Variants in TXNRD3 observed in about 807,000 individuals in gnomAD.
TXNRD3 encodes thioredoxin reductase 3, also known as TXNRD3 neighbor gene protein.
Under a neutral mutation model 78.2 loss-of-function variants are expected in TXNRD3, and 68 were observed. The observed-to-expected ratio is 0.87, with a 90% CI of 0.72 to 1.06. The LOEUF is 1.06. Among genes scored for constraint, TXNRD3 ranks in the 50% least tolerant of loss-of-function variants. The probability of loss-of-function intolerance (pLI) is 0.00; values close to 1 mark genes in which losing one functional copy is unlikely to be tolerated. For synonymous variants in TXNRD3, 296 were observed against 300.1 expected (o/e 0.99, Z 0.14); for missense variants, 751 against 809.5 (o/e 0.93, Z 0.88).
At chr3:126,611,607 C>T (rs1576279100) in intron 13 of TXNRD3, among the ~76,000 whole-genome samples, 1 of 152,204 alleles carries the variant, frequency 6.6e-6, no homozygotes, top group East Asian at 1.9e-4. Flanking sequence ...ATGTCTCTCA[C>T]ATTTCTGTCC....
chr3:126,640,959 C>T (rs540743121), intron 6 of TXNRD3, among the ~76,000 whole-genome samples: 1 of 151,890 alleles, frequency 6.6e-6, no homozygotes, highest in South Asian at 2.1e-4. Context: ...AAAATCATCA[C>T]AAAGACTACA....
In TXNRD3 at chr3:126,644,341, G is replaced by T; in HGVS notation, c.475C>A (p.Leu159Ile). 6.5e-7 allele frequency: 1 copy of T among 1,536,368 alleles called. No individual in the cohort carries two copies. Among genetic ancestry groups the T allele is most frequent in the Admixed American group, 2.0e-5 (1 of 50,988 alleles). The change falls in exon 4 of 16, where the codon CTC becomes ATC. Residue 159 changes from leucine (L) to isoleucine (I), a missense_variant. Transcript: ENST00000524230. ...CCAGAACCACCACCGATGATGATGA[G>T]ATCATAATCATATGCCAAATCTTCC... is the stretch of plus-strand genomic sequence containing the variant.
rs1324554782 is a variant in TXNRD3, at chr3:126,618,478, C to A, written c.1525-3016G>T. On this transcript the variant is annotated intron_variant, in intron 12 of 15. Transcript: ENST00000524230. ...AGAACATACACTGGAGAAAGGACAT[C>A]ATATTTAGTGAATGGTAGTGGGAAA... 2.6e-5 allele frequency among the ~76,000 whole-genome samples: 4 copies of A among 152,186 alleles called. No individual in the cohort carries two copies. The South Asian group carries it at 6.2e-4, about 24-fold the overall frequency.
intron 10 of TXNRD3, chr3:126,626,135 T>G (rs1938575158): frequency 6.6e-6 from 1 of 152,182 alleles, no homozygotes; most frequent in Admixed American, 6.5e-5. Context: ...GAGAATTAAT[T>G]TATTTACTAA....
At chr3:126,621,714 A>G (rs1365471320) in intron 12 of TXNRD3, 28 bp downstream of exon 12, 18 of 1,457,170 alleles carry the variant, frequency 1.2e-5, no homozygotes, top group African/African-American at 2.9e-5. Flanking sequence ...TGATCAGGAC[A>G]TTATCTCAAA....
chr3:126,625,559 G>A (rs1342066566), intron 10 of TXNRD3, among the ~76,000 whole-genome samples: 1 of 151,818 alleles, frequency 6.6e-6, no homozygotes, highest in Non-Finnish European at 1.5e-5. Context: ...TATCATTGTT[G>A]GACATTTGGG....
chr3:126,609,059 A>G, intron 14 of TXNRD3: 1 of 309,506 alleles, frequency 3.2e-6, no homozygotes, highest in Admixed American at 3.7e-5. Flanking sequence ...CATCAAGTGG[A>G]GACAAAGGAG....
At chr3:126,634,153 CA>C in intron 6 of TXNRD3, 102 bp from the exon 7 acceptor site, 1 of 1,056,720 alleles carries the variant, frequency 9.5e-7, no homozygotes. Flanking sequence ...CTTTAAAAAT[CA>C]AGAAGTAGAC....
chr3:126,642,091 G>T lies in TXNRD3; in HGVS notation c.653C>A (p.Ala218Asp). The change falls in exon 6 of 16, where the codon GCC becomes GAC. Residue 218 changes from alanine to aspartate, a missense_variant. Coordinates refer to ENST00000524230, the MANE Select transcript of TXNRD3 (RefSeq NM_052883.3). ...GTCACATAATGCCTGCCCCAAAAGG[G>T]CAGCCTGATGCATCAATTTCTTAGG... 1 of 1,535,864 alleles carries T rather than the reference G, an allele frequency of 6.5e-7. No individual in the cohort carries two copies.
intron 6 of TXNRD3, 102 bp from the exon 7 acceptor site, chr3:126,634,153 C>A (rs1938794053): frequency 1.9e-6 from 2 of 1,056,602 alleles, no homozygotes; most frequent in South Asian, 4.2e-5. Flanking sequence ...CTTTAAAAAT[C>A]AAGAAGTAGA....
intron 1 of TXNRD3, among the ~76,000 whole-genome samples, chr3:126,648,389 G>T (rs2107629060): frequency 6.6e-6 from 1 of 152,186 alleles, no homozygotes; most frequent in East Asian, 1.9e-4. Context: ...AATTCATATG[G>T]AATTTCAAAG....
Sources: allele counts gnomAD v4.1 joint callset (sites outside exome capture counted in the v4.1 genomes callset), GRCh38; gene constraint gnomAD v4.1.1; transcripts MANE v1.5; gene names NCBI Gene and HGNC (gene_info 2026-07-23, HGNC 2026-07-21).